The following LIPI variants were observed in gnomAD, a reference collection of about 807,000 sequenced individuals.
LIPI encodes lipase member I.
LIPI carries 59 observed loss-of-function variants against 50.6 expected under a neutral mutation model. That is an observed-to-expected ratio of 1.16 (90% CI 0.94 to 1.45). The LOEUF (loss-of-function observed/expected upper bound fraction) is 1.45, where lower values mean the gene tolerates loss of function less well. Ranked by LOEUF, LIPI falls within the 40% of genes most tolerant of loss-of-function variation. The probability of loss-of-function intolerance (pLI) is 0.00; values close to 1 mark genes in which losing one functional copy is unlikely to be tolerated. For synonymous variants in LIPI, 203 were observed against 178.2 expected, an observed-to-expected ratio of 1.14 and a Z score of -1.11; for missense variants, 586 against 536.3, an observed-to-expected ratio of 1.09 and a Z score of -0.92.
At chr21:14,131,548 A>G (rs904805764) in intron 9 of LIPI, among the ~76,000 whole-genome samples, 4 of 152,162 alleles carry the variant, frequency 2.6e-5, no homozygotes, top group Admixed American at 2.6e-4. Flanking sequence ...ATCTACAAAC[A>G]TCTTTAGGAA....
At chr21:14,146,527 T>A (rs2017910536) in intron 8 of LIPI, among the ~76,000 whole-genome samples, 1 of 152,154 alleles carries the variant, frequency 6.6e-6, no homozygotes, top group Non-Finnish European at 1.5e-5. Flanking sequence ...CATTGTGTCA[T>A]GTCTATATTC....
At chr21:14,182,050 TA>T (rs1221212410) in intron 3 of LIPI, among the ~76,000 whole-genome samples, 191 bp from the exon 4 acceptor site, 2 of 152,224 alleles carry the variant, frequency 1.3e-5, no homozygotes, top group Non-Finnish European at 2.9e-5. Context: ...ATAATACTAC[TA>T]ACCTTCAGAG....
rs748508260 is a variant in LIPI, at chr21:14,189,062, C to A, written c.404G>T (p.Ser135Ile). The stretch of plus-strand genomic sequence containing the variant: ...AAGATTTTTAATGTGCACACTCAAA[C>A]TCACAGCAACTTTTCTGGTGTTTTT... ...AVKNTRKVAVSLSVHIKNLLK... is the reference protein window; with the variant it reads ...AVKNTRKVAVILSVHIKNLLK... Residue 135 changes from serine (S) to isoleucine (I), a missense_variant, in exon 2 of 10, where the codon AGT (serine) becomes ATT (isoleucine). Physicochemically the swap from Ser to Ile is moderately radical, Grantham distance 142. Transcript: ENST00000681601. 5.6e-6 allele frequency: 9 copies of A among 1,608,002 alleles called. No homozygotes were observed. The highest frequency in any genetic ancestry group is 7.6e-6 in the Non-Finnish European group (9 of 1,179,898).
In LIPI at chr21:14,140,888, G is replaced by C. The variant is rs536311948; in HGVS notation, c.1295+3735C>G. Among the ~76,000 whole-genome samples, 10 of 152,142 alleles carry C rather than the reference G, an allele frequency of 6.6e-5. No individual in the cohort carries two copies. The East Asian group carries it at 1.7e-3, about 26-fold the overall frequency. ...ATCTTATTATTTGTAATTCCAAGTT[G>C]ATTAGGAACAACCAAGCAACATCTA... On this transcript the variant is annotated intron_variant, in intron 9 of 9. Coordinates refer to ENST00000681601, the MANE Select transcript of LIPI (RefSeq NM_001302998.2).
At chr21:14,171,722 G>A (rs1014972530) in intron 4 of LIPI, among the ~76,000 whole-genome samples, 17 of 151,894 alleles carry the variant, frequency 1.1e-4, no homozygotes, top group East Asian at 5.8e-4. Context: ...AATTCAAGAC[G>A]GATTAAAGAC....
intron 4 of LIPI, among the ~76,000 whole-genome samples, chr21:14,174,676 C>T (rs1227724962): frequency 6.6e-6 from 1 of 152,142 alleles, no homozygotes; most frequent in African/African-American, 2.4e-5. Flanking sequence ...GCCTCAGCCT[C>T]CCAAGTAGCT....
chr21:14,137,455 A>T (rs1002709130), intron 9 of LIPI, among the ~76,000 whole-genome samples: 6 of 152,218 alleles, frequency 3.9e-5, no homozygotes, highest in African/African-American at 1.4e-4. Flanking sequence ...CACTAACAAA[A>T]GCATCACAGT....
intron 1 of LIPI, among the ~76,000 whole-genome samples, chr21:14,198,541 G>A (rs989804613): frequency 6.6e-6 from 1 of 152,032 alleles, no homozygotes; most frequent in African/African-American, 2.4e-5. Context: ...TAATGGTAAA[G>A]GGTTCCATTC....
chr21:14,197,851 AT>A (rs144235623), intron 1 of LIPI, among the ~76,000 whole-genome samples: 8,175 of 151,990 alleles, frequency 0.054, 414 homozygotes, highest in East Asian at 0.26. Flanking sequence ...AAAAAAAAAA[AT>A]GTTAAAGGCA....
intron 8 of LIPI, among the ~76,000 whole-genome samples, chr21:14,150,785 A>G (rs2018062147): frequency 6.6e-6 from 1 of 152,178 alleles, no homozygotes. Context: ...AGTTTCTCTC[A>G]ATAAAAGATG....
chr21:14,162,407 T>C (rs1307868721), intron 7 of LIPI, among the ~76,000 whole-genome samples: 1 of 151,744 alleles, frequency 6.6e-6, no homozygotes, highest in Non-Finnish European at 1.5e-5. Context: ...CAGAGCCCTA[T>C]AAATATGACT....
intron 9 of LIPI, among the ~76,000 whole-genome samples, chr21:14,116,527 A>T (rs188448295): frequency 4.1e-4 from 62 of 152,342 alleles, no homozygotes; most frequent in Non-Finnish European, 2.6e-4. Context: ...AAGAACTTTA[A>T]GAAAGGCTTT....
chr21:14,163,292 A>G, intron 7 of LIPI, 127 bp downstream of exon 7: 1 of 609,010 alleles, frequency 1.6e-6, no homozygotes, highest in Non-Finnish European at 2.9e-6. Context: ...GGCTATAGCA[A>G]ATTTTAAATT....
At chr21:14,191,490 G>A (rs958199091) in intron 1 of LIPI, among the ~76,000 whole-genome samples, 1 of 151,396 alleles carries the variant, frequency 6.6e-6, no homozygotes, top group African/African-American at 2.4e-5. Flanking sequence ...TCTGTACCCT[G>A]CCTATTAAAA....
intron 1 of LIPI, among the ~76,000 whole-genome samples, chr21:14,193,693 G>A (rs1172010675): frequency 1.3e-5 from 2 of 151,732 alleles, no homozygotes; most frequent in African/African-American, 4.8e-5. Flanking sequence ...AAAACAAGGG[G>A]GAAACATTCA....
chr21:14,164,168 A>T (rs1474326468), intron 6 of LIPI, among the ~76,000 whole-genome samples: 3 of 151,962 alleles, frequency 2.0e-5, no homozygotes, highest in Non-Finnish European at 4.4e-5. Context: ...CTTTGTTCCC[A>T]CATTGCTACC....
intron 5 of LIPI, 48 bp from the exon 6 acceptor site, chr21:14,165,438 G>A (rs368302427): frequency 5.1e-6 from 7 of 1,363,748 alleles, no homozygotes; most frequent in African/African-American, 1.5e-5. Context: ...ATTAAGCCAT[G>A]TTCAAGTACA....
chr21:14,123,448 T>A (rs1290314330), intron 9 of LIPI, among the ~76,000 whole-genome samples: 1 of 152,164 alleles, frequency 6.6e-6, no homozygotes, highest in African/African-American at 2.4e-5. Context: ...AGAAGTGGAC[T>A]GGAGCCTGTG....
intron 9 of LIPI, among the ~76,000 whole-genome samples, chr21:14,118,740 T>C (rs2016749593): frequency 6.6e-6 from 1 of 152,210 alleles, no homozygotes; most frequent in Non-Finnish European, 1.5e-5. Context: ...CCCCCGGGGC[T>C]GGTAGTGAAT....
Sources: gnomAD v4.1 joint callset for allele counts (sites outside exome capture counted in the v4.1 genomes callset) on GRCh38, gnomAD v4.1.1 for gene constraint, MANE v1.5 for transcripts, NCBI Gene and HGNC (gene_info 2026-07-23, HGNC 2026-07-21) for gene names.